SUPT3H: variants seen among roughly 807,000 people sequenced by gnomAD.
The protein encoded by SUPT3H is transcription initiation protein SPT3 homolog.
SUPT3H carries 44 observed loss-of-function variants against 44.3 expected under a neutral mutation model. The observed-to-expected ratio is 0.99, with a 90% CI of 0.78 to 1.28. The LOEUF (loss-of-function observed/expected upper bound fraction) is 1.28. SUPT3H is among the 50% of genes most tolerant of loss of function. SUPT3H has a pLI of 0.00. For synonymous variants in SUPT3H, 124 were observed against 125.6 expected (o/e 0.99, Z 0.09); for missense variants, 380 against 387.1 (o/e 0.98, Z 0.15).
intron 2 of SUPT3H, among the ~76,000 whole-genome samples, chr6:45,216,026 G>A (rs545105879): frequency 1.2e-4 from 18 of 152,260 alleles, no homozygotes; most frequent in South Asian, 6.2e-4. Flanking sequence ...CATTGAAAGC[G>A]ATGAAAAGTG....
At chr6:45,290,295 G>C (rs1014980199) in intron 2 of SUPT3H, among the ~76,000 whole-genome samples, 12 of 152,166 alleles carry the variant, frequency 7.9e-5, no homozygotes, top group African/African-American at 2.9e-4. Flanking sequence ...CAAAAAGGAA[G>C]ACAAATGCTG....
At chr6:45,241,682 G>A (rs558297923) in intron 2 of SUPT3H, among the ~76,000 whole-genome samples, 8 of 152,202 alleles carry the variant, frequency 5.3e-5, no homozygotes, top group South Asian at 2.1e-4. Context: ...GGGTCTCCAC[G>A]ATCAAGCTGG....
chr6:45,125,476 A>T (rs1005272299), intron 2 of SUPT3H, among the ~76,000 whole-genome samples: 14 of 152,208 alleles, frequency 9.2e-5, no homozygotes, highest in African/African-American at 3.4e-4. Context: ...AGTGGTAGAA[A>T]TGCATGGGGT....
chr6:45,206,048 A>G (rs1207260335), intron 2 of SUPT3H, among the ~76,000 whole-genome samples: 1 of 152,182 alleles, frequency 6.6e-6, no homozygotes, highest in Non-Finnish European at 1.5e-5. Context: ...ATTCCATTAT[A>G]TTAATTTTTA....
At chr6:44,893,163 C>T (rs1189519586) in intron 10 of SUPT3H, among the ~76,000 whole-genome samples, 1 of 152,092 alleles carries the variant, frequency 6.6e-6, no homozygotes, top group Non-Finnish European at 1.5e-5. Context: ...GGCATCTCAT[C>T]TCACTTCCTT....
chr6:45,331,513 AAAGTT>A (rs1787504200), intron 2 of SUPT3H, among the ~76,000 whole-genome samples: 1 of 152,002 alleles, frequency 6.6e-6, no homozygotes, highest in Admixed American at 6.6e-5. Flanking sequence ...GCAGAATTAC[AAAGTT>A]AAGAACAAAC....
chr6:44,971,939 A>AT (rs35593746), intron 6 of SUPT3H, among the ~76,000 whole-genome samples: 9,479 of 151,790 alleles, frequency 0.062, 423 homozygotes, highest in Non-Finnish European at 0.091. Context: ...CACCCGGCTA[A>AT]TTTTTTTTGT....
intron 2 of SUPT3H, among the ~76,000 whole-genome samples, chr6:45,216,356 C>T (rs545000206): frequency 5.7e-4 from 87 of 151,844 alleles, no homozygotes; most frequent in Non-Finnish European, 9.6e-4. Context: ...AAGAAACCCA[C>T]GAAACTGTAA....
intron 10 of SUPT3H, among the ~76,000 whole-genome samples, chr6:44,864,975 T>C (rs1301203008): frequency 6.6e-6 from 1 of 152,224 alleles, no homozygotes; most frequent in Non-Finnish European, 1.5e-5. Context: ...GCTTCCCTTA[T>C]AAACCGAATG....
chr6:44,810,106 T>C (rs1175016236), intron 11 of SUPT3H, among the ~76,000 whole-genome samples: 2 of 152,170 alleles, frequency 1.3e-5, no homozygotes, highest in Non-Finnish European at 2.9e-5. Context: ...AAGAGCTAAA[T>C]ACCATCTAAA....
At chr6:44,823,917 C>G (rs1043473820), downstream of SUPT3H, among the ~76,000 whole-genome samples, 1 of 152,066 alleles carries the variant, frequency 6.6e-6, no homozygotes, top group African/African-American at 2.4e-5. Context: ...GAGCTGAGAT[C>G]GAGCCATTGC....
At chr6:44,967,534 G>A (rs1299829495) in intron 6 of SUPT3H, among the ~76,000 whole-genome samples, 1 of 152,168 alleles carries the variant, frequency 6.6e-6, no homozygotes, top group African/African-American at 2.4e-5. Context: ...AATACTTTCA[G>A]TACGGACAAT....
chr6:45,162,033 A>T (rs1304642857), intron 2 of SUPT3H, among the ~76,000 whole-genome samples: 2 of 52,556 alleles, frequency 3.8e-5, no homozygotes, highest in African/African-American at 6.1e-5. Context: ...GAACATGTTT[A>T]AAAAAAAACA....
intron 2 of SUPT3H, among the ~76,000 whole-genome samples, chr6:45,359,349 G>A (rs1387730906): frequency 1.3e-5 from 2 of 152,018 alleles, no homozygotes; most frequent in East Asian, 1.9e-4. Flanking sequence ...CAGGAAATCT[G>A]CCTTTATACA....
At chr6:44,840,773 T>C (rs756847837) in intron 10 of SUPT3H, among the ~76,000 whole-genome samples, 7 of 152,252 alleles carry the variant, frequency 4.6e-5, no homozygotes, top group African/African-American at 7.2e-5. Context: ...TTATTCAATC[T>C]AGGCCATTTT....
At chr6:45,194,516 A>G (rs1053280228) in intron 2 of SUPT3H, among the ~76,000 whole-genome samples, 23 of 152,206 alleles carry the variant, frequency 1.5e-4, no homozygotes, top group African/African-American at 5.3e-4. Context: ...AAAAGAGCAG[A>G]GTAAAATTAT....
chr6:44,925,585 T>C (rs1047493941), intron 10 of SUPT3H, among the ~76,000 whole-genome samples: 5 of 152,176 alleles, frequency 3.3e-5, no homozygotes, highest in Non-Finnish European at 7.3e-5. Flanking sequence ...CCTGGGTTTA[T>C]ATCAGCAATT....
chr6:44,886,006 A>G (rs1762216064), intron 10 of SUPT3H, among the ~76,000 whole-genome samples: 1 of 152,216 alleles, frequency 6.6e-6, no homozygotes, highest in African/African-American at 2.4e-5. Context: ...AACTGGAAGA[A>G]AGGGTATCAG....
At chr6:45,067,691 A>C (rs1793614690) in intron 3 of SUPT3H, among the ~76,000 whole-genome samples, 1 of 150,658 alleles carries the variant, frequency 6.6e-6, no homozygotes, top group East Asian at 1.9e-4. Flanking sequence ...ACATTTATGC[A>C]GCCAAGAAAC....
Sources: allele counts gnomAD v4.1 joint callset (sites outside exome capture counted in the v4.1 genomes callset), GRCh38; gene constraint gnomAD v4.1.1; transcripts MANE v1.5; gene names NCBI Gene and HGNC (gene_info 2026-07-23, HGNC 2026-07-21).